The following DYNC1I1 variants were observed in gnomAD, a reference collection of about 807,000 sequenced individuals.
The protein encoded by DYNC1I1 is cytoplasmic dynein 1 intermediate chain 1.
Under a neutral mutation model 86.6 loss-of-function variants are expected in DYNC1I1, and 43 were observed. The observed-to-expected ratio is 0.50, with a 90% confidence interval of 0.39 to 0.64. The LOEUF (loss-of-function observed/expected upper bound fraction) is 0.64. DYNC1I1 is among the 30% of genes least tolerant of loss of function. The pLI is 0.00. For missense variants in DYNC1I1, 604 were observed against 788.8 expected, an observed-to-expected ratio of 0.77 and a Z score of 2.81; for synonymous variants, 262 against 283.7, an observed-to-expected ratio of 0.92 and a Z score of 0.77.
intron 10 of DYNC1I1, among the ~76,000 whole-genome samples, chr7:96,019,099 T>G (rs543564465): frequency 1.3e-5 from 2 of 152,316 alleles, no homozygotes; most frequent in South Asian, 4.1e-4. Context: ...GTATACAACA[T>G]GATGATTTGT....
chr7:95,999,772 G>C (rs1793964835), intron 10 of DYNC1I1, among the ~76,000 whole-genome samples: 1 of 152,058 alleles, frequency 6.6e-6, no homozygotes, highest in African/African-American at 2.4e-5. Flanking sequence ...GTGAGTCATG[G>C]GGGCTTTATT....
rs537686745 is a variant in DYNC1I1, at chr7:95,931,411, A to C, written c.491-46101A>C. ...GTGATCCACCCACTCGGCCTCTCAA[A>C]GTGCTGGGATTACAGGCGTGAGCCA... On this transcript the variant is annotated intron_variant, in intron 6 of 16. Coordinates refer to ENST00000447467, the MANE Select transcript of DYNC1I1 (RefSeq NM_001135556.2). 2.6e-5 allele frequency among the ~76,000 whole-genome samples: 4 copies of C among 152,292 alleles called. No individual in the cohort carries two copies. The East Asian group carries it at 7.7e-4, about 29-fold the overall frequency.
intron 4 of DYNC1I1, among the ~76,000 whole-genome samples, chr7:95,814,787 T>TA (rs1035267732): frequency 9.9e-5 from 15 of 151,268 alleles, no homozygotes; most frequent in East Asian, 3.9e-4. Context: ...TGCTTTCAAT[T>TA]AAAAAAAAAG....
chr7:95,903,066 C>T (rs1455908600), intron 6 of DYNC1I1, among the ~76,000 whole-genome samples: 1 of 152,134 alleles, frequency 6.6e-6, no homozygotes, highest in Non-Finnish European at 1.5e-5. Flanking sequence ...CCTAGTGGTG[C>T]AGCCTCATCT....
At chr7:95,987,690 C>T (rs1249503519) in intron 9 of DYNC1I1, among the ~76,000 whole-genome samples, 2 of 152,168 alleles carry the variant, frequency 1.3e-5, no homozygotes, top group African/African-American at 2.4e-5. Context: ...GATTCAACCA[C>T]GAACAGCCTA....
At chr7:95,888,730 G>T (rs1324275804) in intron 6 of DYNC1I1, among the ~76,000 whole-genome samples, 1 of 152,166 alleles carries the variant, frequency 6.6e-6, no homozygotes, top group Non-Finnish European at 1.5e-5. Context: ...ATTTGCTGCT[G>T]AAATATTTGA....
intron 2 of DYNC1I1, among the ~76,000 whole-genome samples, chr7:95,809,294 C>T (rs1794773993): frequency 1.3e-5 from 2 of 152,180 alleles, no homozygotes; most frequent in African/African-American, 4.8e-5. Context: ...ATAGATACTA[C>T]AGTGTAGCTA....
chr7:95,809,074 C>CT (rs1794768278), intron 2 of DYNC1I1, among the ~76,000 whole-genome samples: 1 of 152,128 alleles, frequency 6.6e-6, no homozygotes, highest in Admixed American at 6.6e-5. Context: ...GTGTCTGACT[C>CT]TAAGACTCTT....
chr7:95,998,725 G>A (rs532744303), intron 10 of DYNC1I1, among the ~76,000 whole-genome samples: 14 of 152,148 alleles, frequency 9.2e-5, no homozygotes, highest in Admixed American at 2.0e-4. Context: ...TGGAGTAATT[G>A]CGTAGCTATT....
intron 6 of DYNC1I1, among the ~76,000 whole-genome samples, chr7:95,910,403 T>C (rs1042785118): frequency 3.3e-5 from 5 of 152,158 alleles, no homozygotes; most frequent in Non-Finnish European, 4.4e-5. Context: ...GTATTTTCTG[T>C]TATATTATCT....
chr7:96,028,753 TACTTTG>T (rs1385861516), intron 11 of DYNC1I1, among the ~76,000 whole-genome samples: 1 of 152,172 alleles, frequency 6.6e-6, no homozygotes, highest in African/African-American at 2.4e-5. Flanking sequence ...TTTGAGAGAG[TACTTTG>T]ACTTTAAATT....
At chr7:96,104,426 C>T (rs530829527) in intron 16 of DYNC1I1, among the ~76,000 whole-genome samples, 7 of 152,020 alleles carry the variant, frequency 4.6e-5, no homozygotes, top group African/African-American at 1.7e-4. Flanking sequence ...TTGTATCATA[C>T]TTTCTAGTAA....
At chr7:95,917,339 A>C (rs955507871) in intron 6 of DYNC1I1, among the ~76,000 whole-genome samples, 15 of 152,104 alleles carry the variant, frequency 9.9e-5, no homozygotes, top group African/African-American at 3.1e-4. Context: ...TCGGAGGAAG[A>C]CCTTTTATAT....
At chr7:95,839,563 CT>C (rs1475639366) in intron 5 of DYNC1I1, among the ~76,000 whole-genome samples, 1 of 152,032 alleles carries the variant, frequency 6.6e-6, no homozygotes, top group Non-Finnish European at 1.5e-5. Flanking sequence ...ATTCATTTGT[CT>C]TTTTACTTTT....
intron 5 of DYNC1I1, among the ~76,000 whole-genome samples, chr7:95,858,138 T>C (rs1789775165): frequency 6.6e-6 from 1 of 152,212 alleles, no homozygotes; most frequent in Non-Finnish European, 1.5e-5. Context: ...AGAGAGATAA[T>C]AGCTGTGGCT....
chr7:95,931,200 C>T (rs546340410), intron 6 of DYNC1I1, among the ~76,000 whole-genome samples: 8 of 151,526 alleles, frequency 5.3e-5, no homozygotes, highest in Non-Finnish European at 7.4e-5. Context: ...GGCTGGAGTG[C>T]AGTGGCGCAA....
At chr7:96,098,881 A>G (rs1052569481), downstream of DYNC1I1, among the ~76,000 whole-genome samples, 8 of 152,204 alleles carry the variant, frequency 5.3e-5, no homozygotes, top group African/African-American at 1.9e-4. Flanking sequence ...ACATTCGAAG[A>G]CAGGCTTTCG....
intron 13 of DYNC1I1, 21 bp downstream of exon 13, chr7:96,035,773 C>G: frequency 6.2e-7 from 1 of 1,609,560 alleles, no homozygotes; most frequent in Non-Finnish European, 8.5e-7. Flanking sequence ...TGTTTCTTTA[C>G]TGATGACATG....
At chr7:96,029,909 TAA>T (rs552008387) in intron 11 of DYNC1I1, among the ~76,000 whole-genome samples, 17 of 134,654 alleles carry the variant, frequency 1.3e-4, no homozygotes, top group Admixed American at 2.3e-4. Context: ...AGACTTCCTC[TAA>T]AAAAAAAAAA....
Sources: allele counts gnomAD v4.1 joint callset (sites outside exome capture counted in the v4.1 genomes callset), GRCh38; gene constraint gnomAD v4.1.1; transcripts MANE v1.5; gene names NCBI Gene and HGNC (gene_info 2026-07-23, HGNC 2026-07-21).